The following INTU variants were observed in gnomAD, a reference collection of about 807,000 sequenced individuals.
INTU encodes the protein inturned planar cell polarity protein.
INTU carries 68 observed loss-of-function variants against 100.5 expected under a neutral mutation model. That is an observed-to-expected ratio of 0.68 (90% confidence interval 0.56 to 0.83). The LOEUF is 0.83. Ranked by LOEUF, INTU falls within the 40% of genes least tolerant of loss-of-function variation. The pLI is 0.00. For missense variants in INTU, 1,071 were observed against 1,114.7 expected, an observed-to-expected ratio of 0.96 and a Z score of 0.56; for synonymous variants, 357 against 395.7, an observed-to-expected ratio of 0.90 and a Z score of 1.16.
At chr4:127,661,179 G>A (rs1177473652) in intron 3 of INTU, among the ~76,000 whole-genome samples, 1 of 152,120 alleles carries the variant, frequency 6.6e-6, no homozygotes, top group Non-Finnish European at 1.5e-5. Context: ...GTTGTGGTGA[G>A]ACAAAAAGGT....
In INTU at chr4:127,717,301, C is replaced by T. The variant is rs1396763534; in HGVS notation, c.*865C>T. 6.6e-6 allele frequency: 1 copy of T among 152,192 alleles called. No homozygotes were observed. The highest frequency in any genetic ancestry group is 2.4e-5 in the African/African-American group (1 of 41,426). 9.4% of individuals were successfully genotyped at this position (152,192 alleles called of 1,614,324 possible). ...ATGGCTTCCAGCTTCATCCATGTCC[C>T]TGCAGAGGACATGATCTCATACCTT... On this transcript the variant is annotated 3_prime_UTR_variant, in exon 16 of 16. Coordinates refer to ENST00000335251, the MANE Select transcript of INTU (RefSeq NM_015693.4).
intron 3 of INTU, among the ~76,000 whole-genome samples, chr4:127,657,909 G>A (rs951619387): frequency 1.3e-5 from 2 of 151,968 alleles, no homozygotes; most frequent in African/African-American, 4.8e-5. Flanking sequence ...TCCTGAAACC[G>A]TCCCCCAACC....
At chr4:127,679,362 T>TC (rs1214056250) in intron 6 of INTU, among the ~76,000 whole-genome samples, 2 of 151,984 alleles carry the variant, frequency 1.3e-5, no homozygotes, top group Non-Finnish European at 2.9e-5. Flanking sequence ...AGTAAAGCTC[T>TC]CCTCAGCAAA....
intron 2 of INTU, among the ~76,000 whole-genome samples, chr4:127,647,896 T>G (rs1578535542): frequency 1.3e-5 from 2 of 152,236 alleles, no homozygotes; most frequent in Admixed American, 6.5e-5. Flanking sequence ...GTAAACAAAC[T>G]TTTGCATATA....
chr4:127,635,381 C>A (rs1727023867), intron 1 of INTU, among the ~76,000 whole-genome samples: 1 of 152,166 alleles, frequency 6.6e-6, no homozygotes, highest in Non-Finnish European at 1.5e-5. Context: ...ATTAAGATAA[C>A]AGAAATCACA....
chr4:127,650,689 A>C (rs1164461988), intron 2 of INTU, among the ~76,000 whole-genome samples: 3 of 151,676 alleles, frequency 2.0e-5, no homozygotes, highest in Non-Finnish European at 4.4e-5. Flanking sequence ...ATACGTGTGC[A>C]TGTGTCTTTA....
intron 4 of INTU, among the ~76,000 whole-genome samples, chr4:127,668,715 A>G (rs1226647259): frequency 1.3e-5 from 2 of 151,794 alleles, no homozygotes; most frequent in African/African-American, 4.8e-5. Context: ...TATTAGTATT[A>G]TAAATTATTA....
chr4:127,674,523 G>A (rs1457982335), intron 6 of INTU, among the ~76,000 whole-genome samples: 1 of 152,110 alleles, frequency 6.6e-6, no homozygotes, highest in Non-Finnish European at 1.5e-5. Flanking sequence ...ATTGTGATTT[G>A]GATTTTGCAC....
chr4:127,633,459 T>C (rs1208742592), intron 1 of INTU, among the ~76,000 whole-genome samples: 1 of 152,166 alleles, frequency 6.6e-6, no homozygotes, highest in Non-Finnish European at 1.5e-5. Context: ...ATGGGCTCTG[T>C]CTAGGCCATA....
At chr4:127,711,597 G>A (rs374408630) in intron 14 of INTU, among the ~76,000 whole-genome samples, 26 of 152,138 alleles carry the variant, frequency 1.7e-4, no homozygotes, top group East Asian at 9.6e-4. Context: ...GGTGAGTGGC[G>A]GGCCAGGGAG....
rs189929444 is a variant in INTU at position 127,659,896 on chromosome 4, T to C, written c.768+3175T>C. On this transcript the variant is annotated intron_variant, in intron 3 of 15. Coordinates refer to ENST00000335251, the MANE Select transcript of INTU (RefSeq NM_015693.4). The stretch of plus-strand genomic sequence containing the variant: ...GAGTGGAGTGTTTTAACTTTTATTA[T>C]TTCCTTGTTACACAGAAATGATACA... Among the ~76,000 whole-genome samples, 49 of 152,334 alleles carry C rather than the reference T, an allele frequency of 3.2e-4. No individual in the cohort carries two copies. The East Asian group carries it at 6.7e-3, about 21-fold the overall frequency.
At chr4:127,699,652 T>C (rs1008910247) in intron 8 of INTU, among the ~76,000 whole-genome samples, 6 of 152,240 alleles carry the variant, frequency 3.9e-5, no homozygotes. Flanking sequence ...AAGGGTTAAA[T>C]TAATTTCTAA....
At chr4:127,696,711 C>T (rs140852060) in intron 8 of INTU, among the ~76,000 whole-genome samples, 1,814 of 151,686 alleles carry the variant, frequency 0.012, 16 homozygotes, top group South Asian at 0.038. Flanking sequence ...TATTTCTTTT[C>T]TTCTGCTTAT....
At chr4:127,704,982 C>T (rs1730815777) in intron 10 of INTU, among the ~76,000 whole-genome samples, 1 of 151,926 alleles carries the variant, frequency 6.6e-6, no homozygotes, top group Non-Finnish European at 1.5e-5. Flanking sequence ...ATCCCAGCTA[C>T]TCAGGAGGCT....
At chr4:127,667,377 G>A (rs147792806) in intron 4 of INTU, among the ~76,000 whole-genome samples, 14 of 152,240 alleles carry the variant, frequency 9.2e-5, no homozygotes, top group Admixed American at 9.2e-4. Flanking sequence ...GAACCGTAGA[G>A]CTTGCCAGGT....
intron 14 of INTU, among the ~76,000 whole-genome samples, chr4:127,711,623 T>C (rs1731099514): frequency 1.3e-5 from 2 of 152,180 alleles, no homozygotes; most frequent in African/African-American, 2.4e-5. Flanking sequence ...CTGCCTGAGC[T>C]CTGCTTCCTA....
chr4:127,645,371 G>A (rs1727529765), intron 2 of INTU, among the ~76,000 whole-genome samples: 1 of 151,998 alleles, frequency 6.6e-6, no homozygotes, highest in South Asian at 2.1e-4. Flanking sequence ...CCAGCTGATA[G>A]CCCCAACTGA....
chr4:127,636,544 G>A (rs201267765), intron 1 of INTU, among the ~76,000 whole-genome samples: 7 of 151,140 alleles, frequency 4.6e-5, no homozygotes, highest in Admixed American at 1.3e-4. Context: ...CACAGAAGGC[G>A]GAGGTTGCAG....
chr4:127,665,299 T>G (rs1269879934), intron 4 of INTU, among the ~76,000 whole-genome samples: 1 of 150,758 alleles, frequency 6.6e-6, no homozygotes, highest in Non-Finnish European at 1.5e-5. Context: ...TTAATATAAA[T>G]ATTATGTATT....
Sources: allele counts gnomAD v4.1 joint callset (sites outside exome capture counted in the v4.1 genomes callset), GRCh38; gene constraint gnomAD v4.1.1; transcripts MANE v1.5; gene names NCBI Gene and HGNC (gene_info 2026-07-23, HGNC 2026-07-21).